INPP4B: variants seen among roughly 807,000 people sequenced by gnomAD.
The protein encoded by INPP4B is inositol polyphosphate-4-phosphatase type II B, also known as inositol polyphosphate 4-phosphatase type II.
In INPP4B, 55 loss-of-function variants were observed where a neutral mutation model predicts 122.5. The observed-to-expected ratio is 0.45, with a 90% CI of 0.36 to 0.56. The LOEUF is 0.56. Ranked by LOEUF, INPP4B falls within the 20% of genes least tolerant of loss-of-function variation. The pLI is 0.00. For missense variants in INPP4B, 1,000 were observed against 1,097.7 expected, an observed-to-expected ratio of 0.91 and a Z score of 1.26; for synonymous variants, 403 against 388.7, an observed-to-expected ratio of 1.04 and a Z score of -0.43.
chr4:142,489,224 C>G (rs926838716), intron 2 of INPP4B, among the ~76,000 whole-genome samples: 9 of 152,114 alleles, frequency 5.9e-5, no homozygotes, highest in African/African-American at 1.9e-4. Context: ...GAAAACTGCT[C>G]TGCAAAATGT....
At chr4:142,077,777 T>C (rs971231278) in intron 25 of INPP4B, among the ~76,000 whole-genome samples, 2 of 151,712 alleles carry the variant, frequency 1.3e-5, no homozygotes, top group Non-Finnish European at 2.9e-5. Context: ...GCAATACACA[T>C]ACATTTCAAA....
chr4:142,300,521 C>A (rs1760961466), intron 9 of INPP4B, among the ~76,000 whole-genome samples: 1 of 152,088 alleles, frequency 6.6e-6, no homozygotes, highest in Non-Finnish European at 1.5e-5. Context: ...GATCTTACAT[C>A]TCTAGGCATA....
chr4:142,678,276 C>A (rs887452504), intron 2 of INPP4B, among the ~76,000 whole-genome samples: 1 of 151,866 alleles, frequency 6.6e-6, no homozygotes, highest in Non-Finnish European at 1.5e-5. Context: ...CTGTAACAAG[C>A]CTGGTTCCTG....
intron 2 of INPP4B, among the ~76,000 whole-genome samples, chr4:142,540,937 T>C (rs1828873579): frequency 6.6e-6 from 1 of 152,230 alleles, no homozygotes; most frequent in Admixed American, 6.5e-5. Context: ...CTTTTTTCAC[T>C]TCTTGCATAT....
chr4:142,441,878 C>A, intron 3 of INPP4B, among the ~76,000 whole-genome samples: 1 of 145,446 alleles, frequency 6.9e-6, no homozygotes, highest in African/African-American at 2.6e-5. Context: ...GTAACATGGC[C>A]AGAAAAGAGA....
In INPP4B at chr4:142,637,241, G is replaced by T. The variant is rs180789332; in HGVS notation, c.-191+88598C>A. ...GTTTACCTTAGGATTCACTCTTGTT[G>T]TATATTCTATGGGTTTTGACATATG... On this transcript the variant is annotated intron_variant, in intron 2 of 25. Coordinates refer to ENST00000262992, the MANE Select transcript of INPP4B (RefSeq NM_001101669.3). 6.8e-4 allele frequency among the ~76,000 whole-genome samples: 103 copies of T among 152,158 alleles called. No individual in the cohort carries two copies. The Middle Eastern group carries it at 0.014, about 20-fold the overall frequency.
At chr4:142,703,474 G>A (rs1762071197) in intron 2 of INPP4B, among the ~76,000 whole-genome samples, 1 of 152,144 alleles carries the variant, frequency 6.6e-6, no homozygotes, top group Non-Finnish European at 1.5e-5. Flanking sequence ...TGTTAAGAAG[G>A]CTAGAGAGAA....
At chr4:142,509,575 G>A (rs1165492625) in intron 2 of INPP4B, among the ~76,000 whole-genome samples, 1 of 152,152 alleles carries the variant, frequency 6.6e-6, no homozygotes, top group Non-Finnish European at 1.5e-5. Context: ...TTTTAGGGCT[G>A]CATAGTACTC....
chr4:142,219,645 T>C (rs1848594096), intron 12 of INPP4B, among the ~76,000 whole-genome samples: 1 of 152,012 alleles, frequency 6.6e-6, no homozygotes, highest in Non-Finnish European at 1.5e-5. Flanking sequence ...CAAGACAGAG[T>C]GCTAGCATTC....
chr4:142,338,944 A>T (rs1388380087), intron 7 of INPP4B, among the ~76,000 whole-genome samples: 1 of 151,792 alleles, frequency 6.6e-6, no homozygotes, highest in African/African-American at 2.4e-5. Flanking sequence ...CAGCAGGAGA[A>T]CAGAGGGTCC....
intron 11 of INPP4B, among the ~76,000 whole-genome samples, chr4:142,256,024 C>G (rs1735787838): frequency 6.6e-6 from 1 of 150,854 alleles, no homozygotes. Context: ...ACAGTGCAAT[C>G]AAACTAGAAC....
chr4:142,614,120 G>A (rs868513573), intron 2 of INPP4B, among the ~76,000 whole-genome samples: 3 of 152,172 alleles, frequency 2.0e-5, no homozygotes, highest in African/African-American at 7.2e-5. Flanking sequence ...ACCCACAGGA[G>A]GCTGAGGCAG....
chr4:142,744,978 C>G (rs1768492248), intron 1 of INPP4B, among the ~76,000 whole-genome samples: 1 of 150,520 alleles, frequency 6.6e-6, no homozygotes, highest in African/African-American at 2.4e-5. Context: ...GGATAAGGGA[C>G]AAGCTAACGG....
intron 9 of INPP4B, among the ~76,000 whole-genome samples, chr4:142,294,897 C>A (rs1758006536): frequency 7.1e-6 from 1 of 141,578 alleles, no homozygotes; most frequent in Non-Finnish European, 1.5e-5. Context: ...ACCTTGTATA[C>A]CTGGGCTGAG....
intron 16 of INPP4B, among the ~76,000 whole-genome samples, chr4:142,163,489 T>C (rs977893614): frequency 6.6e-6 from 1 of 151,872 alleles, no homozygotes; most frequent in Admixed American, 6.6e-5. Context: ...CACGTAGACA[T>C]TGTACCATCT....
rs536685448 is a variant in INPP4B, at chr4:142,423,009, G to A, written c.136+6164C>T. On this transcript the variant is annotated intron_variant, in intron 5 of 25. Transcript: ENST00000262992. ...AATAAATGCAAAAATATACCTCTGT[G>A]CTTGGTATTCCCTTCAGCTAGCATG... Among the ~76,000 whole-genome samples the A allele has an allele frequency of 3.3e-5, 5 of 152,154 alleles. No individual in the cohort carries two copies. In the South Asian group the frequency reaches 8.3e-4, roughly 25 times the overall value.
intron 1 of INPP4B, among the ~76,000 whole-genome samples, chr4:142,790,996 T>C (rs1776475612): frequency 1.3e-5 from 2 of 152,082 alleles, no homozygotes; most frequent in South Asian, 4.1e-4. Flanking sequence ...GAACTTCTAA[T>C]TAAAGAATAA....
At chr4:142,417,505 A>G (rs1367258958) in intron 5 of INPP4B, among the ~76,000 whole-genome samples, 1 of 152,152 alleles carries the variant, frequency 6.6e-6, no homozygotes, top group Non-Finnish European at 1.5e-5. Flanking sequence ...GAAAAAATGT[A>G]TTAAATTCCT....
At chr4:142,277,927 G>A (rs1749401604) in intron 9 of INPP4B, among the ~76,000 whole-genome samples, 1 of 151,874 alleles carries the variant, frequency 6.6e-6, no homozygotes, top group South Asian at 2.1e-4. Context: ...AGAGGGGAGT[G>A]AGTGGTAAAA....
Sources: gnomAD v4.1 joint callset for allele counts (sites outside exome capture counted in the v4.1 genomes callset) on GRCh38, gnomAD v4.1.1 for gene constraint, MANE v1.5 for transcripts, NCBI Gene and HGNC (gene_info 2026-07-23, HGNC 2026-07-21) for gene names.